Variants in MYO1E observed in about 807,000 individuals in gnomAD.
MYO1E encodes myosin IE, also known as unconventional myosin-Ie.
In MYO1E, 68 loss-of-function variants were observed where a neutral mutation model predicts 151.1. The observed-to-expected ratio is 0.45, with a 90% CI of 0.37 to 0.55. The LOEUF is 0.55. MYO1E is among the 20% of genes least tolerant of loss of function. MYO1E has a pLI of 0.00. For missense variants in MYO1E, 1,363 were observed against 1,389.3 expected (o/e 0.98, Z 0.30); for synonymous variants, 601 against 501.7 (o/e 1.20, Z -2.64).
chr15:59,200,525 G>C (rs2079794692), intron 16 of MYO1E, among the ~76,000 whole-genome samples: 1 of 152,080 alleles, frequency 6.6e-6, no homozygotes, highest in South Asian at 2.1e-4. Context: ...TCGGTGGCTT[G>C]TGCCTGTAAT....
At chr15:59,337,138 T>C (rs1162844380) in intron 1 of MYO1E, among the ~76,000 whole-genome samples, 4 of 152,222 alleles carry the variant, frequency 2.6e-5, no homozygotes, top group African/African-American at 7.2e-5. Flanking sequence ...TTGATTCTTA[T>C]GGAGGTGTTT....
chr15:59,288,824 G>A (rs1397920424), intron 1 of MYO1E, among the ~76,000 whole-genome samples: 6 of 152,192 alleles, frequency 3.9e-5, no homozygotes, highest in African/African-American at 9.6e-5. Context: ...AAAAGAAGAC[G>A]ACAGACAGTA....
intron 1 of MYO1E, chr15:59,359,864 A>G (rs1245397522): frequency 6.6e-6 from 1 of 151,880 alleles, no homozygotes; most frequent in Non-Finnish European, 1.5e-5. Flanking sequence ...AAACAAAGCC[A>G]CTCCTATTAA....
At chr15:59,195,390 G>A in intron 17 of MYO1E, 71 bp downstream of exon 17, 6 of 1,334,402 alleles carry the variant, frequency 4.5e-6, no homozygotes, top group South Asian at 3.5e-5. Flanking sequence ...TCCTGCCTGT[G>A]ATGGAGGACG....
intron 4 of MYO1E, among the ~76,000 whole-genome samples, chr15:59,239,373 GT>G (rs2080086517): frequency 6.6e-6 from 1 of 151,470 alleles, no homozygotes; most frequent in South Asian, 2.1e-4. Context: ...CCATAAGTAT[GT>G]ATATTTTCCT....
intron 1 of MYO1E, among the ~76,000 whole-genome samples, chr15:59,329,815 G>A (rs1314956446): frequency 6.6e-6 from 1 of 152,176 alleles, no homozygotes; most frequent in Non-Finnish European, 1.5e-5. Context: ...CATGGACAGG[G>A]CGGACTGGTA....
chr15:59,328,772 T>C (rs1216943992), intron 1 of MYO1E, among the ~76,000 whole-genome samples: 1 of 152,042 alleles, frequency 6.6e-6, no homozygotes, highest in Non-Finnish European at 1.5e-5. Flanking sequence ...AGTTAAGCAT[T>C]TAGGGCATGT....
chr15:59,366,837 G>A (rs528759304), intron 1 of MYO1E, among the ~76,000 whole-genome samples: 1 of 152,152 alleles, frequency 6.6e-6, no homozygotes, highest in East Asian at 1.9e-4. Context: ...ATAAGGCTGA[G>A]ATGTTTATTT....
chr15:59,152,247 A>G (rs1195939769), intron 26 of MYO1E, among the ~76,000 whole-genome samples: 1 of 152,202 alleles, frequency 6.6e-6, no homozygotes, highest in South Asian at 2.1e-4. Flanking sequence ...CAACCAACCA[A>G]CAAACAAAAA....
At chr15:59,236,369 TACACACACACACACACAC>T (rs56164138) in intron 5 of MYO1E, among the ~76,000 whole-genome samples, 198 bp downstream of exon 5, 102 of 117,750 alleles carry the variant, frequency 8.7e-4, no homozygotes, top group Middle Eastern at 4.4e-3. Context: ...AAAAAATATA[TACACACACACACACACAC>T]ACACACACAC....
intron 1 of MYO1E, among the ~76,000 whole-genome samples, chr15:59,367,792 G>C (rs150146688): frequency 0.014 from 2,176 of 152,330 alleles, 56 homozygotes; most frequent in African/African-American, 0.048. Flanking sequence ...CTGCAGCTGT[G>C]TTTGGCCCCT....
At position 59,188,486 on chromosome 15, in the gene MYO1E, A is replaced by C. The variant is rs192139858; in HGVS notation, c.1806-270T>G. 0.012 allele frequency among the ~76,000 whole-genome samples: 1,759 copies of C among 152,266 alleles called. 46 individuals carry two copies. Among genetic ancestry groups the C allele is most frequent in the African/African-American group, 0.037 (1,554 of 41,538 alleles). ...TGAGGCGGGTAGATCACCTGAGGTC[A>C]GGAGTTCAAGACCAGCCTGGCCAAC... On this transcript the variant is annotated intron_variant, in intron 17 of 27. Coordinates refer to ENST00000288235, the MANE Select transcript of MYO1E (RefSeq NM_004998.4).
At chr15:59,186,489 G>A (rs889168243) in intron 18 of MYO1E, among the ~76,000 whole-genome samples, 9 of 152,118 alleles carry the variant, frequency 5.9e-5, no homozygotes, top group Admixed American at 2.0e-4. Context: ...AGTTTGACGC[G>A]GTGTGGTCGC....
chr15:59,261,181 G>A (rs2080222627), intron 3 of MYO1E, among the ~76,000 whole-genome samples: 1 of 151,014 alleles, frequency 6.6e-6, no homozygotes, highest in Non-Finnish European at 1.5e-5. Flanking sequence ...CCCAGCCTGG[G>A]CAACAAGAGC....
In MYO1E at chr15:59,217,519, C is replaced by CTTTTTTTTTT. The variant is rs1164320277; in HGVS notation, c.1107+362_1107+371dup. ...AACACAAAACCCTCAGTCGTTTTAC[C>CTTTTTTTTTT]TTTTTTTTTTTTTTTTTTTTTTGGG... On this transcript the variant is annotated intron_variant, in intron 10 of 27. Transcript: ENST00000288235. 1.0e-3 allele frequency among the ~76,000 whole-genome samples: 54 copies of CTTTTTTTTTT among 53,158 alleles called. 8 individuals carry two copies. The highest frequency in any genetic ancestry group is 3.7e-3 in the East Asian group (5 of 1,352). The allele number at this position is 53,158 out of a possible 152,430, so 34.9% of individuals were successfully genotyped here. A position where few individuals can be genotyped will look rare whatever the true frequency, so the allele number is the denominator to read the frequency against.
chr15:59,215,225 T>C (rs776631797), intron 10 of MYO1E, among the ~76,000 whole-genome samples: 2 of 152,152 alleles, frequency 1.3e-5, no homozygotes, highest in Non-Finnish European at 2.9e-5. Flanking sequence ...ATAGTAACAA[T>C]AGTCATTATT....
chr15:59,137,403 T>G lies in MYO1E; in HGVS notation c.3304A>C (p.Asn1102His). 1.2e-6 allele frequency: 2 copies of G among 1,614,180 alleles called. No individual in the cohort carries two copies. Among genetic ancestry groups the G allele is most frequent in the Non-Finnish European group, 8.5e-7 (1 of 1,180,030 alleles). ...RLRGKQGLFP[N>H]NYVTKI Reference sequence around the variant, plus strand: ...CCTCAGATCTTGGTCACATAGTTGTTGGGGAACAGGCCCTGCTTGCCTCGT... The same window carrying G: ...CCTCAGATCTTGGTCACATAGTTGTGGGGGAACAGGCCCTGCTTGCCTCGT... Residue 1102 changes from asparagine to histidine, a missense_variant, in exon 28 of 28, where the codon AAC becomes CAC. Asn to His is a moderately conservative substitution (Grantham distance 68). Transcript: ENST00000288235.
In MYO1E at chr15:59,222,947, A is replaced by C. The variant is rs74020308; in HGVS notation, c.910+112T>G. 2.8e-3 allele frequency: 4,166 copies of C among 1,502,928 alleles called. 95 individuals carry two copies. In the African/African-American group the frequency reaches 0.049, roughly 18 times the overall value. 93.1% of individuals were successfully genotyped at this position (1,502,928 alleles called of 1,614,324 possible). On this transcript the variant is annotated intron_variant, in intron 9 of 27. Coordinates refer to ENST00000288235, the MANE Select transcript of MYO1E (RefSeq NM_004998.4). ...TTTGCCACAGAGGACATGTAGATTT[A>C]TCACTTCTTCCCAATATTCCCATTT...
At chr15:59,269,036 C>A (rs2080274547) in intron 2 of MYO1E, among the ~76,000 whole-genome samples, 1 of 152,068 alleles carries the variant, frequency 6.6e-6, no homozygotes, top group African/African-American at 2.4e-5. Flanking sequence ...ACAACTACTA[C>A]ATTCAGCGGA....
Sources: gnomAD v4.1 joint callset for allele counts (sites outside exome capture counted in the v4.1 genomes callset) on GRCh38, gnomAD v4.1.1 for gene constraint, MANE v1.5 for transcripts, NCBI Gene and HGNC (gene_info 2026-07-23, HGNC 2026-07-21) for gene names.